SLC4A10: variants seen among roughly 807,000 people sequenced by gnomAD.
The protein encoded by SLC4A10 is sodium-driven chloride bicarbonate exchanger.
In SLC4A10, 42 loss-of-function variants were observed where a neutral mutation model predicts 137.7. That is an observed-to-expected ratio of 0.30 (90% CI 0.24 to 0.39). The LOEUF (loss-of-function observed/expected upper bound fraction) is 0.39. Ranked by LOEUF, SLC4A10 falls within the 10% of genes least tolerant of loss-of-function variation. The probability of loss-of-function intolerance (pLI) is 1.00; values close to 1 mark genes in which losing one functional copy is unlikely to be tolerated. For missense variants in SLC4A10, 925 were observed against 1,355.0 expected, an observed-to-expected ratio of 0.68 and a Z score of 4.98; for synonymous variants, 474 against 464.1, an observed-to-expected ratio of 1.02 and a Z score of -0.27.
At chr2:161,944,398 A>T (rs970196393) in intron 16 of SLC4A10, among the ~76,000 whole-genome samples, 7 of 151,824 alleles carry the variant, frequency 4.6e-5, no homozygotes, top group Admixed American at 2.0e-4. Flanking sequence ...GTATTATGTG[A>T]ATAATTTAAT....
At chr2:161,892,054 A>AT (rs2062980064) in intron 10 of SLC4A10, among the ~76,000 whole-genome samples, 1 of 152,086 alleles carries the variant, frequency 6.6e-6, no homozygotes, top group African/African-American at 2.4e-5. Flanking sequence ...AGCTATTGAT[A>AT]ACATTGGTGA....
At chr2:161,701,162 T>C (rs80327860) in intron 1 of SLC4A10, among the ~76,000 whole-genome samples, 6 of 152,128 alleles carry the variant, frequency 3.9e-5, no homozygotes, top group Non-Finnish European at 8.8e-5. Context: ...GATTTGAAAT[T>C]GGTAGTGTGC....
rs370355412 is a variant in SLC4A10 at position 161,947,771 on chromosome 2, C to G, written c.2265+44C>G. The G allele has an allele frequency of 7.3e-5, 115 of 1,573,572 alleles. No homozygotes were observed. In the East Asian group the frequency reaches 1.8e-3, roughly 25 times the overall value. On this transcript the variant is annotated intron_variant, in intron 17 of 26. Transcript: ENST00000446997. ...GATCTAAATGTAAAATAACATAGGA[C>G]AAAAGAAAGAGTAATTGATGTAATA... is the stretch of plus-strand genomic sequence containing the variant.
At chr2:161,697,349 C>T (rs2042631807) in intron 1 of SLC4A10, among the ~76,000 whole-genome samples, 2 of 152,170 alleles carry the variant, frequency 1.3e-5, no homozygotes, top group South Asian at 4.2e-4. Flanking sequence ...GTTGCCATTG[C>T]TTTTGGTGTT....
chr2:161,921,664 C>T (rs1269462580), intron 15 of SLC4A10, among the ~76,000 whole-genome samples: 2 of 152,190 alleles, frequency 1.3e-5, no homozygotes, highest in East Asian at 3.8e-4. Flanking sequence ...TCACAAGAAC[C>T]TTGTGGGACA....
chr2:161,971,509 G>C lies in SLC4A10; in HGVS notation c.3160-2740G>C, dbSNP rs565267730. 2.0e-5 allele frequency among the ~76,000 whole-genome samples: 3 copies of C among 152,304 alleles called. No homozygotes were observed. In the South Asian group the frequency reaches 6.2e-4, roughly 32 times the overall value. On this transcript the variant is annotated intron_variant, in intron 23 of 26. Transcript: ENST00000446997. ...TTAATGGGTCCTATGTAAATTAAGA[G>C]CTGAATGAACTCATTTTAAGGTATT...
chr2:161,912,724 G>T (rs1686151892), intron 15 of SLC4A10, among the ~76,000 whole-genome samples: 2 of 152,028 alleles, frequency 1.3e-5, no homozygotes, highest in Non-Finnish European at 1.5e-5. Context: ...TGTCAGAAAT[G>T]GATTTTCATG....
intron 1 of SLC4A10, among the ~76,000 whole-genome samples, chr2:161,764,760 A>G (rs776682513): frequency 1.3e-5 from 2 of 152,136 alleles, no homozygotes; most frequent in African/African-American, 4.8e-5. Context: ...CTGCTCTTCC[A>G]TGAGGAAATG....
At chr2:161,840,267 T>A (rs1038959494) in intron 4 of SLC4A10, among the ~76,000 whole-genome samples, 1 of 152,234 alleles carries the variant, frequency 6.6e-6, no homozygotes, top group Non-Finnish European at 1.5e-5. Context: ...TAGTATATGA[T>A]AACTTGAAAG....
chr2:161,938,587 T>C (rs865920641), intron 15 of SLC4A10, among the ~76,000 whole-genome samples: 1 of 151,700 alleles, frequency 6.6e-6, no homozygotes, highest in South Asian at 2.1e-4. Context: ...GGCTGCCTTC[T>C]GCTGTTGAAA....
intron 1 of SLC4A10, among the ~76,000 whole-genome samples, chr2:161,727,751 G>C (rs955412321): frequency 2.6e-5 from 4 of 152,006 alleles, no homozygotes; most frequent in African/African-American, 7.2e-5. Flanking sequence ...TAGAAAGAAT[G>C]AGAAAATTAG....
At chr2:161,952,364 C>T (rs1694952705) in intron 19 of SLC4A10, among the ~76,000 whole-genome samples, 1 of 152,168 alleles carries the variant, frequency 6.6e-6, no homozygotes, top group South Asian at 2.1e-4. Flanking sequence ...TTGACAAATA[C>T]ACTAATTTCC....
intron 1 of SLC4A10, among the ~76,000 whole-genome samples, chr2:161,676,806 G>A (rs1012205477): frequency 6.6e-6 from 1 of 151,970 alleles, no homozygotes; most frequent in Non-Finnish European, 1.5e-5. Context: ...AAAATGCAGG[G>A]CTGCCATGCT....
chr2:161,901,173 A>G (rs1683029192), intron 12 of SLC4A10, 162 bp downstream of exon 12: 2 of 627,062 alleles, frequency 3.2e-6, no homozygotes. Flanking sequence ...GTTACTAATG[A>G]TTGTCATTAC....
At chr2:161,935,657 G>A (rs1000013496) in intron 15 of SLC4A10, among the ~76,000 whole-genome samples, 1 of 152,210 alleles carries the variant, frequency 6.6e-6, no homozygotes, top group Non-Finnish European at 1.5e-5. Context: ...AAACAGGATT[G>A]TTTTCTTGAT....
intron 1 of SLC4A10, among the ~76,000 whole-genome samples, chr2:161,696,991 C>T (rs1341534200): frequency 5.3e-5 from 8 of 152,078 alleles, no homozygotes; most frequent in African/African-American, 7.2e-5. Flanking sequence ...TTTTAATGAT[C>T]GCCATTCTAA....
intron 15 of SLC4A10, among the ~76,000 whole-genome samples, chr2:161,935,664 T>C (rs1691454952): frequency 1.3e-5 from 2 of 152,192 alleles, no homozygotes; most frequent in Non-Finnish European, 2.9e-5. Flanking sequence ...ATTGTTTTCT[T>C]GATTTTATTT....
At chr2:161,975,022 A>G (rs538458078) in intron 24 of SLC4A10, among the ~76,000 whole-genome samples, 1 of 152,170 alleles carries the variant, frequency 6.6e-6, no homozygotes, top group Non-Finnish European at 1.5e-5. Flanking sequence ...AGGTTATGCC[A>G]ATAAAAATAC....
chr2:161,983,094 G>A (rs1172655511), intron 26 of SLC4A10, 85 bp from the exon 27 acceptor site: 1 of 1,255,268 alleles, frequency 8.0e-7, no homozygotes, highest in Non-Finnish European at 1.1e-6. Flanking sequence ...CTTTGGGGTT[G>A]ACGGGTTTTA....
Sources: gnomAD v4.1 joint callset for allele counts (sites outside exome capture counted in the v4.1 genomes callset) on GRCh38, gnomAD v4.1.1 for gene constraint, MANE v1.5 for transcripts, NCBI Gene and HGNC (gene_info 2026-07-23, HGNC 2026-07-21) for gene names.